Variants in FAM228B observed in about 807,000 individuals in gnomAD.
FAM228B encodes family with sequence similarity 228 member B.
In FAM228B, 38 loss-of-function variants were observed where a neutral mutation model predicts 42.6. That is an observed-to-expected ratio of 0.89 (90% CI 0.69 to 1.17). FAM228B has a LOEUF of 1.17. FAM228B is among the 50% of genes most tolerant of loss of function. The pLI is 0.00. For synonymous variants in FAM228B, 109 were observed against 122.3 expected, an observed-to-expected ratio of 0.89 and a Z score of 0.72; for missense variants, 344 against 367.3, an observed-to-expected ratio of 0.94 and a Z score of 0.52.
intron 2 of FAM228B, among the ~76,000 whole-genome samples, chr2:24,090,583 ATAG>A (rs1484476905): frequency 3.4e-5 from 5 of 147,668 alleles, no homozygotes; most frequent in Non-Finnish European, 7.5e-5. Flanking sequence ...AAAAAAAAAA[ATAG>A]GAAATGGAGT....
At chr2:24,130,649 A>AT (rs925431394) in intron 2 of FAM228B, among the ~76,000 whole-genome samples, 13 of 149,340 alleles carry the variant, frequency 8.7e-5, no homozygotes, top group East Asian at 4.0e-4. Context: ...CCACTTTTTG[A>AT]TTTTTTTTTC....
intron 3 of FAM228B, among the ~76,000 whole-genome samples, chr2:24,104,375 A>C (rs1277387261): frequency 6.6e-6 from 1 of 152,212 alleles, no homozygotes; most frequent in Non-Finnish European, 1.5e-5. Context: ...CCTGGGGCAG[A>C]CCAGCCAGCG....
In FAM228B at chr2:24,095,898, G is replaced by A. The variant is rs13415402; in HGVS notation, c.-121+669G>A. On this transcript the variant is annotated intron_variant, in intron 3 of 10. Transcript: ENST00000613899. The surrounding 1 kb of genome is among the most constrained non-coding windows in gnomAD (Gnocchi z 4.8). Reference sequence around the variant, plus strand: ...ATATAGGCACCTGCCTCTCTGGGACGAAGCTTCCAGAGGAAGGATCAGGAA... The same window carrying A: ...ATATAGGCACCTGCCTCTCTGGGACAAAGCTTCCAGAGGAAGGATCAGGAA... 17,777 of 152,292 alleles carry A rather than the reference G, an allele frequency of 0.12. 1,248 individuals are homozygous for A. The highest frequency in any genetic ancestry group is 0.18 in the South Asian group (868 of 4,820). The allele number at this position is 152,292 out of a possible 1,614,324, so 9.4% of individuals were successfully genotyped here. A position where few individuals can be genotyped will look rare whatever the true frequency, so the allele number is the denominator to read the frequency against.
chr2:24,144,312 C>G (rs1161626692), intron 5 of FAM228B, among the ~76,000 whole-genome samples: 1 of 152,020 alleles, frequency 6.6e-6, no homozygotes, highest in Non-Finnish European at 1.5e-5. Flanking sequence ...TGGCGCACAC[C>G]TGTGGTCCCA....
intron 7 of FAM228B, among the ~76,000 whole-genome samples, chr2:24,156,772 CCG>C (rs200025382): frequency 0.065 from 344 of 5,328 alleles, 4 homozygotes; most frequent in Admixed American, 0.12. Context: ...ACATTTCTTT[CCG>C]CCCCCCCCCC....
intron 3 of FAM228B, among the ~76,000 whole-genome samples, chr2:24,106,024 G>A (rs934209069): frequency 2.0e-5 from 3 of 152,168 alleles, no homozygotes; most frequent in African/African-American, 4.8e-5. Flanking sequence ...GAGAAAGCAA[G>A]CAACTTGGAA....
intron 2 of FAM228B, among the ~76,000 whole-genome samples, chr2:24,127,025 G>T (rs1433969426): frequency 6.6e-6 from 1 of 151,858 alleles, no homozygotes; most frequent in East Asian, 1.9e-4. Flanking sequence ...ACAAATCCGT[G>T]CAACTGTCAC....
At chr2:24,168,533 G>A (rs1416225007) in intron 10 of FAM228B, among the ~76,000 whole-genome samples, 5 of 152,272 alleles carry the variant, frequency 3.3e-5, no homozygotes, top group Non-Finnish European at 5.9e-5. Context: ...GTTAAGTGGA[G>A]CAGCTGAAAT....
chr2:24,093,292 C>T (rs1665428300), intron 2 of FAM228B, among the ~76,000 whole-genome samples: 1 of 152,086 alleles, frequency 6.6e-6, no homozygotes, highest in African/African-American at 2.4e-5. Context: ...CTAATGCTCT[C>T]CCTCCCCTTG....
upstream of FAM228B, among the ~76,000 whole-genome samples, chr2:24,121,634 C>T (rs1439504235): frequency 6.6e-6 from 1 of 152,134 alleles, no homozygotes; most frequent in Non-Finnish European, 1.5e-5. Flanking sequence ...ATGTTGAAAT[C>T]TGATTCCCAG....
In FAM228B at chr2:24,102,466, G is replaced by T. The variant is rs181683176; in HGVS notation, c.-121+7237G>T. Among the ~76,000 whole-genome samples, 33 of 152,320 alleles carry T rather than the reference G, an allele frequency of 2.2e-4. No homozygotes were observed. In the East Asian group the frequency reaches 5.8e-3, roughly 27 times the overall value. ...TTAAATGTATTTTCAGGCTGGGAGT[G>T]GTGGCTCACGCCTGTAATTCCAGCA... On this transcript the variant is annotated intron_variant, in intron 3 of 10. Coordinates refer to the FAM228B transcript ENST00000613899.
intron 3 of FAM228B, among the ~76,000 whole-genome samples, chr2:24,111,630 T>C (rs1332141678): frequency 6.6e-6 from 1 of 152,180 alleles, no homozygotes; most frequent in Non-Finnish European, 1.5e-5. Flanking sequence ...AGTATCTTTA[T>C]ATTGTACATC....
intron 2 of FAM228B, among the ~76,000 whole-genome samples, chr2:24,093,793 T>C (rs550104461): frequency 6.6e-6 from 1 of 152,144 alleles, no homozygotes; most frequent in South Asian, 2.1e-4. Context: ...ATTTTTTTTG[T>C]ATTTTTAATA....
chr2:24,115,202 T>C lies in FAM228B; in HGVS notation c.-120-19917T>C, dbSNP rs373986832. ...CCTGATGGGAGACATCCCTTCATTT[T>C]TCAAGGTTGCTTGCTGCAACCTAAC... On this transcript the variant is annotated intron_variant, in intron 3 of 10. Coordinates refer to the FAM228B transcript ENST00000613899. 4.6e-5 allele frequency among the ~76,000 whole-genome samples: 7 copies of C among 152,320 alleles called. No individual in the cohort carries two copies. In the South Asian group the frequency reaches 6.2e-4, roughly 14 times the overall value.
intron 7 of FAM228B, among the ~76,000 whole-genome samples, chr2:24,158,550 C>A (rs1667213663): frequency 6.6e-6 from 1 of 151,986 alleles, no homozygotes; most frequent in African/African-American, 2.4e-5. Context: ...GGAGATGGTG[C>A]TTTTAGAAAC....
chr2:24,145,538 G>A (rs1349578026), intron 5 of FAM228B, among the ~76,000 whole-genome samples: 1 of 152,162 alleles, frequency 6.6e-6, no homozygotes, highest in East Asian at 1.9e-4. Flanking sequence ...ATGCACAGAT[G>A]TCAATGTAAG....
intron 1 of FAM228B, chr2:24,079,695 C>T: frequency 6.5e-7 from 1 of 1,547,856 alleles, no homozygotes; most frequent in Non-Finnish European, 8.9e-7. Context: ...AATAAGATAC[C>T]ATGGTATATT....
Position 24,167,683 on chromosome 2 carries a change from G to A in FAM228B, c.*14G>A, listed in dbSNP as rs900713680. 1.5e-5 allele frequency: 24 copies of A among 1,551,324 alleles called. No homozygotes were observed. The highest frequency in any genetic ancestry group is 6.8e-5 in the African/African-American group (5 of 73,004). On this transcript the variant is annotated splice_region_variant and 3_prime_UTR_variant, in exon 10 of 11. Coordinates refer to ENST00000615575, the MANE Select transcript of FAM228B (RefSeq NM_001145710.2). The stretch of plus-strand genomic sequence containing the variant: ...CTGGAGCTATAAGAAAGAAGAGGGA[G>A]GTAGATGTCTTCTCTCTTTCCCTTC...
intron 9 of FAM228B, chr2:24,166,148 A>G (rs1667406640): frequency 6.6e-6 from 1 of 150,864 alleles, no homozygotes; most frequent in African/African-American, 2.4e-5. Context: ...TCCTAAGGTA[A>G]TGATGGTTAA....
Sources: allele counts gnomAD v4.1 joint callset (sites outside exome capture counted in the v4.1 genomes callset), GRCh38; gene constraint gnomAD v4.1.1; non-coding constraint Gnocchi (gnomAD v3.1); transcripts MANE v1.5; gene names NCBI Gene and HGNC (gene_info 2026-07-23, HGNC 2026-07-21).